Variants in TET2 observed in about 807,000 individuals in gnomAD.
TET2 encodes the protein tet methylcytosine dioxygenase 2, also known as methylcytosine dioxygenase TET2.
TET2 carries 299 observed loss-of-function variants against 142.9 expected under a neutral mutation model. That is an observed-to-expected ratio of 2.09 (90% CI 1.90 to 2.30). The LOEUF (loss-of-function observed/expected upper bound fraction) is 2.30, where lower values mean the gene tolerates loss of function less well. Ranked by LOEUF, TET2 falls within the 30% of genes most tolerant of loss-of-function variation. The pLI is 0.00. For synonymous variants in TET2, 819 were observed against 849.0 expected, an observed-to-expected ratio of 0.96 and a Z score of 0.61; for missense variants, 2,418 against 2,378.0, an observed-to-expected ratio of 1.02 and a Z score of -0.35.
rs1731241315 is a variant in TET2, at chr4:105,276,744, T to C, written c.*225T>C. 2.1e-6 allele frequency: 1 copy of C among 480,274 alleles called. No homozygotes were observed. Among genetic ancestry groups the C allele is most frequent in the Non-Finnish European group, 3.6e-6 (1 of 274,874 alleles). 29.8% of individuals were successfully genotyped at this position (480,274 alleles called of 1,614,324 possible). On this transcript the variant is annotated 3_prime_UTR_variant, in exon 11 of 11. Transcript: ENST00000380013. Reference sequence around the variant, plus strand: ...TGGCATCTAGGAAAAGACCAAAGCATTCTATGCAAAAAGAAGGTGGGGAAG... The same window carrying C: ...TGGCATCTAGGAAAAGACCAAAGCACTCTATGCAAAAAGAAGGTGGGGAAG...
At chr4:105,218,371 A>T (rs1727616413) in intron 2 of TET2, among the ~76,000 whole-genome samples, 1 of 152,062 alleles carries the variant, frequency 6.6e-6, no homozygotes, top group African/African-American at 2.4e-5. Context: ...TTGGCTCAGA[A>T]GTTGGACAAG....
At chr4:105,271,090 C>T (rs982325221) in intron 9 of TET2, among the ~76,000 whole-genome samples, 1 of 152,124 alleles carries the variant, frequency 6.6e-6, no homozygotes, top group Non-Finnish European at 1.5e-5. Flanking sequence ...ATTTCTGTCA[C>T]ATTGTTTGGT....
At chr4:105,194,909 ACATGGTGTCTTGC>A (rs1725993219) in intron 2 of TET2, among the ~76,000 whole-genome samples, 1 of 152,160 alleles carries the variant, frequency 6.6e-6, no homozygotes, top group Non-Finnish European at 1.5e-5. Context: ...CCACTCTTAT[ACATGGTGTCTTGC>A]ATATATATTA....
chr4:105,180,141 TG>T, intron 1 of TET2, among the ~76,000 whole-genome samples: 1 of 152,346 alleles, frequency 6.6e-6, no homozygotes, highest in South Asian at 2.1e-4. Context: ...GCCTTCACTT[TG>T]TTTCTCATCC....
intron 3 of TET2, chr4:105,239,513 C>A (rs1351962993): frequency 4.2e-6 from 1 of 238,372 alleles, no homozygotes; most frequent in African/African-American, 2.2e-5. Context: ...ACTTTATAAA[C>A]CAACTTCTGC....
upstream of TET2, chr4:105,146,796 C>G (rs748541597): frequency 3.9e-5 from 6 of 152,042 alleles, no homozygotes; most frequent in Admixed American, 6.5e-5. Context: ...GCGGCCGCCC[C>G]GAGACGCCGG....
intron 6 of TET2, among the ~76,000 whole-genome samples, chr4:105,259,391 ATTT>A (rs1263957193): frequency 6.6e-6 from 1 of 152,136 alleles, no homozygotes; most frequent in African/African-American, 2.4e-5. Context: ...GGTATTTTCC[ATTT>A]GTAAACTGTA....
chr4:105,193,664 G>A (rs1209884208), intron 2 of TET2, among the ~76,000 whole-genome samples: 1 of 152,038 alleles, frequency 6.6e-6, no homozygotes, highest in African/African-American at 2.4e-5. Flanking sequence ...ATAAAAGAGA[G>A]GAGTCAAAGA....
chr4:105,183,104 C>T (rs1725216826), intron 1 of TET2, among the ~76,000 whole-genome samples: 1 of 152,124 alleles, frequency 6.6e-6, no homozygotes, highest in African/African-American at 2.4e-5. Context: ...TTAAAAAGCA[C>T]TTAAAGTCTA....
At chr4:105,220,741 C>T (rs1165686222) in intron 2 of TET2, among the ~76,000 whole-genome samples, 19 of 152,132 alleles carry the variant, frequency 1.2e-4, no homozygotes, top group Non-Finnish European at 2.8e-4. Context: ...ATATATGGAG[C>T]GTTCTTTAGA....
chr4:105,230,876 T>TG (rs1391801244), intron 2 of TET2, among the ~76,000 whole-genome samples: 11 of 152,242 alleles, frequency 7.2e-5, no homozygotes, highest in African/African-American at 2.4e-4. Flanking sequence ...TTTTAACTTT[T>TG]GGGGGGGTTT....
intron 2 of TET2, among the ~76,000 whole-genome samples, chr4:105,226,648 CCTCTTCCTCT>C (rs976124752): frequency 1.3e-5 from 2 of 151,486 alleles, no homozygotes; most frequent in African/African-American, 4.9e-5. Context: ...CCTCTTCCTC[CCTCTTCCTCT>C]CTCTTTTTCT....
intron 2 of TET2, among the ~76,000 whole-genome samples, chr4:105,206,703 G>A (rs1233374739): frequency 6.6e-6 from 1 of 152,128 alleles, no homozygotes; most frequent in East Asian, 1.9e-4. Flanking sequence ...TGGTATTTTA[G>A]TGCTAATGGG....
At chr4:105,179,527 T>TA (rs756623279) in intron 1 of TET2, among the ~76,000 whole-genome samples, 1 of 152,184 alleles carries the variant, frequency 6.6e-6, no homozygotes, top group Non-Finnish European at 1.5e-5. Flanking sequence ...CTATTCAAGA[T>TA]AAAAAATCTT....
chr4:105,252,674 T>C (rs1286992748), intron 6 of TET2, among the ~76,000 whole-genome samples: 1 of 152,210 alleles, frequency 6.6e-6, no homozygotes, highest in Non-Finnish European at 1.5e-5. Flanking sequence ...TATCAGTTAA[T>C]TCATGAATAA....
intron 2 of TET2, among the ~76,000 whole-genome samples, chr4:105,224,714 C>CTCTG (rs912552122): frequency 6.6e-6 from 1 of 150,460 alleles, no homozygotes; most frequent in African/African-American, 2.5e-5. Flanking sequence ...CTCTCTCTCT[C>CTCTG]TCTCTCTCTC....
chr4:105,182,249 T>C (rs1725162349), intron 1 of TET2, among the ~76,000 whole-genome samples: 3 of 152,210 alleles, frequency 2.0e-5, no homozygotes, highest in Admixed American at 1.3e-4. Context: ...GCTGTGCTGA[T>C]GGTTACTGAA....
intron 1 of TET2, among the ~76,000 whole-genome samples, chr4:105,187,347 T>A (rs1165464618): frequency 1.3e-5 from 2 of 152,204 alleles, no homozygotes; most frequent in Admixed American, 6.5e-5. Context: ...GATTTAAGAG[T>A]CTAATCATAT....
intron 4 of TET2, chr4:105,242,095 A>C: frequency 8.3e-7 from 1 of 1,200,532 alleles, no homozygotes; most frequent in Non-Finnish European, 1.0e-6. Context: ...CTTTTCATTA[A>C]GAGGTAGGCA....
Sources: allele counts gnomAD v4.1 joint callset (sites outside exome capture counted in the v4.1 genomes callset), GRCh38; gene constraint gnomAD v4.1.1; transcripts MANE v1.5; gene names NCBI Gene and HGNC (gene_info 2026-07-23, HGNC 2026-07-21).